TJP1: variants seen among roughly 807,000 people sequenced by gnomAD.
TJP1 encodes tight junction protein 1, also known as tight junction protein ZO-1.
In TJP1, 43 loss-of-function variants were observed where a neutral mutation model predicts 194.2. The observed-to-expected ratio is 0.22, with a 90% confidence interval of 0.17 to 0.29. TJP1 has a LOEUF of 0.29. Among genes scored for constraint, TJP1 ranks in the 10% least tolerant of loss-of-function variants. The pLI is 1.00. For synonymous variants in TJP1, 801 were observed against 779.0 expected (o/e 1.03, Z -0.47); for missense variants, 1,971 against 2,185.7 (o/e 0.90, Z 1.96).
rs777037272 is a variant in TJP1 at position 29,720,495 on chromosome 15, G to A, written c.2626C>T (p.Arg876Trp). The A allele has an allele frequency of 2.1e-5, 34 of 1,613,990 alleles. No individual in the cohort carries two copies. The highest frequency in any genetic ancestry group is 3.3e-5 in the Admixed American group (2 of 60,004). The change falls in exon 19 of 28, where the codon CGG becomes TGG. Residue 876 changes from arginine (R) to tryptophan (W), a missense_variant. Physicochemically the swap from Arg to Trp is moderately radical, Grantham distance 101. Around this residue, in one of 5 missense-constraint regions of TJP1, gnomAD observed 1,108 missense variants for 1,128.5 expected, o/e 0.98. Transcript: ENST00000614355. ...VGTPPESAIT[R>W]SSEPVREDSS... ...TCCTCTCTTACAGGCTCAGAGGACC[G>A]TGTAATGGCAGACTCCGGTGGAGTC...
intron 1 of TJP1, among the ~76,000 whole-genome samples, chr15:29,801,903 A>C (rs573812435): frequency 6.7e-6 from 1 of 150,264 alleles, no homozygotes; most frequent in South Asian, 2.1e-4. Flanking sequence ...AAAAATTACA[A>C]AAAAAAAAAT....
At chr15:29,814,057 A>G (rs2049724665) in intron 1 of TJP1, among the ~76,000 whole-genome samples, 1 of 152,202 alleles carries the variant, frequency 6.6e-6, no homozygotes, top group Non-Finnish European at 1.5e-5. Context: ...TCTCCCTCCT[A>G]TTGAGATATT....
At chr15:29,821,351 A>G (rs557832821) in intron 1 of TJP1, 1 of 152,352 alleles carries the variant, frequency 6.6e-6, no homozygotes, top group South Asian at 2.1e-4. Context: ...AATACTTTGT[A>G]TTACTTGTGA....
chr15:29,880,679 A>C (rs1338900666), intron 2 of TJP1, among the ~76,000 whole-genome samples: 1 of 152,188 alleles, frequency 6.6e-6, no homozygotes, highest in Non-Finnish European at 1.5e-5. Context: ...TATCTCAAAT[A>C]AATGGAGTTA....
chr15:29,950,278 T>TTCCATC (rs1321839894), intron 2 of TJP1, among the ~76,000 whole-genome samples: 1 of 78,096 alleles, frequency 1.3e-5, no homozygotes, highest in African/African-American at 5.0e-5. Flanking sequence ...CCACCTCCAC[T>TTCCATC]TCCACCTTCA....
At chr15:29,739,986 C>T (rs1482332809) in intron 10 of TJP1, among the ~76,000 whole-genome samples, 2 of 151,666 alleles carry the variant, frequency 1.3e-5, no homozygotes, top group African/African-American at 2.4e-5. Flanking sequence ...AGGAAATCTG[C>T]CAATTTTCTT....
At chr15:29,863,930 C>T (rs186292387) in intron 2 of TJP1, among the ~76,000 whole-genome samples, 17 of 152,250 alleles carry the variant, frequency 1.1e-4, no homozygotes, top group African/African-American at 3.9e-4. Context: ...TTCTTTCCTG[C>T]TGAAGCTTTG....
chr15:29,711,173 C>T (rs1049437917), intron 23 of TJP1, among the ~76,000 whole-genome samples, 173 bp from the exon 24 acceptor site: 5 of 152,030 alleles, frequency 3.3e-5, no homozygotes, highest in Non-Finnish European at 7.4e-5. Flanking sequence ...TTCGACCATT[C>T]ATCGGCACAA....
intron 15 of TJP1, chr15:29,729,647 G>GT: frequency 6.6e-6 from 1 of 151,992 alleles, no homozygotes; most frequent in Middle Eastern, 3.4e-3. Context: ...GTGAAACCCC[G>GT]TCTCTACTAA....
At chr15:29,813,807 G>A (rs1482914782) in intron 1 of TJP1, among the ~76,000 whole-genome samples, 1 of 152,190 alleles carries the variant, frequency 6.6e-6, no homozygotes, top group Non-Finnish European at 1.5e-5. Flanking sequence ...TGCCCTATCA[G>A]TACAGAGATG....
At chr15:29,816,419 G>C (rs1253862426) in intron 1 of TJP1, among the ~76,000 whole-genome samples, 1 of 152,102 alleles carries the variant, frequency 6.6e-6, no homozygotes, top group East Asian at 1.9e-4. Context: ...TTATGAAGCT[G>C]TCCTGAAACA....
chr15:29,902,553 CTTTT>C (rs1223683425), intron 2 of TJP1, among the ~76,000 whole-genome samples: 6 of 152,064 alleles, frequency 3.9e-5, no homozygotes, highest in African/African-American at 1.4e-4. Flanking sequence ...ATTGATGTTC[CTTTT>C]TTGTCATGAA....
At chr15:29,793,211 T>G (rs1014918260) in intron 2 of TJP1, among the ~76,000 whole-genome samples, 3 of 152,206 alleles carry the variant, frequency 2.0e-5, no homozygotes, top group African/African-American at 7.2e-5. Context: ...GGCTTTTAGA[T>G]TCCCCCCTCA....
At chr15:29,960,358 C>A (rs1567237901) in intron 1 of TJP1, among the ~76,000 whole-genome samples, 1 of 126,696 alleles carries the variant, frequency 7.9e-6, no homozygotes, top group Non-Finnish European at 1.7e-5. Context: ...CTACCAGGAT[C>A]ATAATAAAAA....
chr15:29,710,406 G>A (rs2042168156), intron 24 of TJP1, among the ~76,000 whole-genome samples: 1 of 152,146 alleles, frequency 6.6e-6, no homozygotes, highest in Admixed American at 6.5e-5. Context: ...AGGGTAAAAT[G>A]TTACAAAGCT....
chr15:29,879,131 T>A (rs1290437413), intron 2 of TJP1, among the ~76,000 whole-genome samples: 1 of 151,752 alleles, frequency 6.6e-6, no homozygotes, highest in Non-Finnish European at 1.5e-5. Flanking sequence ...CTCAAAAAAA[T>A]AATAATAAAA....
At chr15:29,864,944 G>T (rs1177524241) in intron 2 of TJP1, among the ~76,000 whole-genome samples, 1 of 152,092 alleles carries the variant, frequency 6.6e-6, no homozygotes, top group East Asian at 1.9e-4. Context: ...CATATTTATT[G>T]ATAATAAAAG....
intron 5 of TJP1, among the ~76,000 whole-genome samples, chr15:29,765,505 T>C (rs1262567869): frequency 6.6e-6 from 1 of 152,156 alleles, no homozygotes; most frequent in African/African-American, 2.4e-5. Flanking sequence ...TTTCAAAAAC[T>C]TCAAAGAAGT....
chr15:29,817,996 T>A (rs531995005), intron 1 of TJP1, among the ~76,000 whole-genome samples: 2 of 151,188 alleles, frequency 1.3e-5, no homozygotes, highest in East Asian at 3.9e-4. Context: ...TGCACATGGA[T>A]CCCAGAACTT....
Sources: allele counts gnomAD v4.1 joint callset (sites outside exome capture counted in the v4.1 genomes callset), GRCh38; gene constraint gnomAD v4.1.1; regional missense constraint gnomAD v4.1.1; transcripts MANE v1.5; gene names NCBI Gene and HGNC (gene_info 2026-07-23, HGNC 2026-07-21).